Variants in SMYD3 observed in about 807,000 individuals in gnomAD.
SMYD3 encodes the protein SET and MYND domain containing 3.
Under a neutral mutation model 57.7 loss-of-function variants are expected in SMYD3, and 36 were observed. That is an observed-to-expected ratio of 0.62 (90% CI 0.48 to 0.82). The LOEUF is 0.82. SMYD3 is among the 40% of genes least tolerant of loss of function. SMYD3 has a pLI of 0.00. For missense variants in SMYD3, 515 were observed against 538.8 expected (o/e 0.96, Z 0.44); for synonymous variants, 211 against 195.0 (o/e 1.08, Z -0.68).
At chr1:246,119,921 G>A (rs1241786208) in intron 5 of SMYD3, among the ~76,000 whole-genome samples, 2 of 152,174 alleles carry the variant, frequency 1.3e-5, no homozygotes, top group African/African-American at 4.8e-5. Context: ...AGATTGACAA[G>A]AGAAAAGCAT....
At chr1:246,492,316 T>C (rs1182111406) in intron 1 of SMYD3, among the ~76,000 whole-genome samples, 1 of 152,188 alleles carries the variant, frequency 6.6e-6, no homozygotes, top group Non-Finnish European at 1.5e-5. Flanking sequence ...GTACTGAGTG[T>C]AGCCTAGGCA....
At chr1:245,960,306 GAA>G (rs2057965406) in intron 5 of SMYD3, among the ~76,000 whole-genome samples, 1 of 152,178 alleles carries the variant, frequency 6.6e-6, no homozygotes, top group Non-Finnish European at 1.5e-5. Flanking sequence ...GACTCCACAG[GAA>G]AAGACTGATT....
intron 1 of SMYD3, among the ~76,000 whole-genome samples, chr1:246,378,292 T>C (rs1217694038): frequency 6.6e-6 from 1 of 152,124 alleles, no homozygotes; most frequent in East Asian, 1.9e-4. Flanking sequence ...GTAAACTTGA[T>C]TGGATTGAAG....
chr1:246,092,037 T>A (rs1304371324), intron 5 of SMYD3, among the ~76,000 whole-genome samples: 2 of 152,154 alleles, frequency 1.3e-5, no homozygotes, highest in Non-Finnish European at 2.9e-5. Context: ...TATATGTAGC[T>A]TTTACTAATA....
At chr1:246,132,918 G>T (rs1572081976) in intron 5 of SMYD3, among the ~76,000 whole-genome samples, 1 of 152,004 alleles carries the variant, frequency 6.6e-6, no homozygotes, top group South Asian at 2.1e-4. Flanking sequence ...AATGCATATT[G>T]AAGCCATAAT....
intron 10 of SMYD3, among the ~76,000 whole-genome samples, chr1:245,833,424 C>A (rs1391219033): frequency 6.6e-6 from 1 of 152,204 alleles, no homozygotes; most frequent in Non-Finnish European, 1.5e-5. Flanking sequence ...CTTGAAGCGT[C>A]CTGGCCAAAT....
chr1:245,808,137 T>C (rs542299008), intron 10 of SMYD3, among the ~76,000 whole-genome samples: 1 of 152,198 alleles, frequency 6.6e-6, no homozygotes, highest in Non-Finnish European at 1.5e-5. Context: ...ATTTTCATGA[T>C]ATGCTAATAT....
At chr1:246,164,469 T>C (rs2062172861) in intron 5 of SMYD3, among the ~76,000 whole-genome samples, 1 of 152,094 alleles carries the variant, frequency 6.6e-6, no homozygotes, top group Non-Finnish European at 1.5e-5. Flanking sequence ...AAGACTTCTC[T>C]CATGAGGTGA....
chr1:245,827,176 G>T (rs2049549269), intron 10 of SMYD3, among the ~76,000 whole-genome samples: 1 of 152,130 alleles, frequency 6.6e-6, no homozygotes, highest in Non-Finnish European at 1.5e-5. Context: ...AGATTAAACG[G>T]CACGTTCAAG....
At chr1:246,186,578 A>G (rs2062643849) in intron 5 of SMYD3, among the ~76,000 whole-genome samples, 1 of 152,218 alleles carries the variant, frequency 6.6e-6, no homozygotes, top group Admixed American at 6.5e-5. Context: ...AACAGAATTT[A>G]GAATTCTTGT....
At chr1:245,852,972 G>A (rs1008665199) in intron 10 of SMYD3, among the ~76,000 whole-genome samples, 3 of 152,120 alleles carry the variant, frequency 2.0e-5, no homozygotes, top group Admixed American at 6.5e-5. Flanking sequence ...GTCTTGTATC[G>A]AGGGTCTTCC....
chr1:245,864,932 T>C (rs1572542882), intron 8 of SMYD3, among the ~76,000 whole-genome samples: 1 of 152,124 alleles, frequency 6.6e-6, no homozygotes, highest in African/African-American at 2.4e-5. Flanking sequence ...CCCCCAACAC[T>C]GAAAAAATTC....
chr1:245,802,000 T>C (rs2047891736), intron 10 of SMYD3, among the ~76,000 whole-genome samples: 1 of 152,100 alleles, frequency 6.6e-6, no homozygotes. Flanking sequence ...TAAGACTTGT[T>C]ATATATAATC....
At chr1:246,170,263 G>C (rs2062305359) in intron 5 of SMYD3, among the ~76,000 whole-genome samples, 1 of 151,798 alleles carries the variant, frequency 6.6e-6, no homozygotes, top group South Asian at 2.1e-4. Context: ...AAAAATATCA[G>C]AATAGTGTGA....
rs141052530 is a variant in SMYD3 at position 245,827,322 on chromosome 1, A to G, written c.1076+31174T>C. Among the ~76,000 whole-genome samples the G allele has an allele frequency of 3.0e-4, 46 of 152,282 alleles. No homozygotes were observed. In the East Asian group the frequency reaches 8.7e-3, roughly 29 times the overall value. On this transcript the variant is annotated intron_variant, in intron 10 of 11. Transcript: ENST00000490107. The stretch of plus-strand genomic sequence containing the variant: ...GAGATGATCAACACAACAGAGAGCG[A>G]CACTGAGGCCCAGATACATGAGGTG...
At chr1:246,232,405 T>G (rs2063422816) in intron 5 of SMYD3, among the ~76,000 whole-genome samples, 2 of 151,994 alleles carry the variant, frequency 1.3e-5, no homozygotes, top group Admixed American at 6.6e-5. Context: ...CTGCTCCCTT[T>G]AAAGAACATA....
intron 5 of SMYD3, among the ~76,000 whole-genome samples, chr1:246,143,296 C>T (rs974727512): frequency 9.2e-5 from 14 of 152,156 alleles, no homozygotes; most frequent in South Asian, 2.1e-4. Flanking sequence ...AGGTGCCTTT[C>T]TTTGTAAGTT....
chr1:245,826,086 T>C (rs572501087), intron 10 of SMYD3, among the ~76,000 whole-genome samples: 7 of 150,866 alleles, frequency 4.6e-5, no homozygotes, highest in Non-Finnish European at 8.8e-5. Flanking sequence ...TTTGTGCCAC[T>C]AGGTTTTAAG....
chr1:245,812,657 T>G (rs1189330484), intron 10 of SMYD3, among the ~76,000 whole-genome samples: 2 of 139,910 alleles, frequency 1.4e-5, no homozygotes, highest in African/African-American at 5.6e-5. Flanking sequence ...CCATGCCCAG[T>G]GCTTTGGTAA....
Sources: gnomAD v4.1 joint callset for allele counts (sites outside exome capture counted in the v4.1 genomes callset) on GRCh38, gnomAD v4.1.1 for gene constraint, MANE v1.5 for transcripts, NCBI Gene and HGNC (gene_info 2026-07-23, HGNC 2026-07-21) for gene names.